The following RAVER2 variants were observed in gnomAD, a reference collection of about 807,000 sequenced individuals.
The protein encoded by RAVER2 is ribonucleoprotein, PTB binding 2, also known as ribonucleoprotein PTB-binding 2.
In RAVER2, 46 loss-of-function variants were observed where a neutral mutation model predicts 78.1. The ratio of observed to expected loss-of-function variants is 0.59; its 90% CI spans 0.46 to 0.75. RAVER2 has a LOEUF of 0.75. Among genes scored for constraint, RAVER2 ranks in the 30% least tolerant of loss-of-function variants. The pLI is 0.00. For missense variants in RAVER2, 793 were observed against 837.5 expected, an observed-to-expected ratio of 0.95 and a Z score of 0.66; for synonymous variants, 311 against 313.3, an observed-to-expected ratio of 0.99 and a Z score of 0.08.
intron 1 of RAVER2, among the ~76,000 whole-genome samples, chr1:64,754,358 T>G (rs1489932061): frequency 2.0e-5 from 3 of 152,230 alleles, no homozygotes; most frequent in Admixed American, 6.5e-5. Context: ...ATGTTGTGTT[T>G]ACCTTTGTAT....
intron 4 of RAVER2, among the ~76,000 whole-genome samples, chr1:64,787,634 C>T (rs372137654): frequency 2.6e-5 from 4 of 152,250 alleles, no homozygotes; most frequent in Admixed American, 1.3e-4. Context: ...CTGGTCTGCC[C>T]GCCTAGTGTT....
intron 11 of RAVER2, among the ~76,000 whole-genome samples, chr1:64,819,879 ACC>A (rs1310409871): frequency 6.6e-6 from 1 of 152,110 alleles, no homozygotes; most frequent in Non-Finnish European, 1.5e-5. Context: ...TTGTCCTCTA[ACC>A]CCTAGATTGC....
chr1:64,781,687 C>T (rs1324737688), intron 4 of RAVER2, 116 bp downstream of exon 4: 1 of 999,578 alleles, frequency 1.0e-6, no homozygotes, highest in Admixed American at 3.0e-5. Flanking sequence ...ATTGCATTTC[C>T]ATCACACTGA....
At chr1:64,788,681 G>T (rs769144812) in intron 4 of RAVER2, among the ~76,000 whole-genome samples, 8 of 148,398 alleles carry the variant, frequency 5.4e-5, no homozygotes, top group Non-Finnish European at 1.2e-4. Flanking sequence ...AGTCCCAGCT[G>T]CTCGGGTGGC....
At chr1:64,762,505 C>G (rs923884254) in intron 1 of RAVER2, among the ~76,000 whole-genome samples, 3 of 151,214 alleles carry the variant, frequency 2.0e-5, no homozygotes, top group African/African-American at 7.3e-5. Context: ...TACCAGATTT[C>G]AAAGCTTACT....
At chr1:64,828,487 T>G (rs1460088982) in intron 11 of RAVER2, among the ~76,000 whole-genome samples, 2 of 152,186 alleles carry the variant, frequency 1.3e-5, no homozygotes, top group Non-Finnish European at 2.9e-5. Flanking sequence ...TTGTGGTTCT[T>G]ATGTAGGAAT....
exon 3 of RAVER2, chr1:64,777,819 T>C (rs746888321): frequency 3.1e-6 from 5 of 1,614,060 alleles, no homozygotes; most frequent in Non-Finnish European, 4.2e-6. Flanking sequence ...TTGAGAGATG[T>C]TTTCTGGTCT....
At chr1:64,831,420 T>TA (rs963132561) in exon 12 of RAVER2, 1 of 153,038 alleles carries the variant, frequency 6.5e-6, no homozygotes, top group African/African-American at 2.4e-5. Flanking sequence ...TATAGATTTT[T>TA]AGGACTTTTC....
intron 1 of RAVER2, among the ~76,000 whole-genome samples, chr1:64,749,673 T>C (rs542138511): frequency 6.6e-6 from 1 of 152,364 alleles, no homozygotes; most frequent in African/African-American, 2.4e-5. Context: ...TAATGAATAA[T>C]TTATAGTCAA....
At position 64,780,404 on chromosome 1, in the gene RAVER2, AG is replaced by A. The variant is rs368727271; in HGVS notation, c.787-975del. On this transcript the variant is annotated intron_variant, in intron 3 of 11. Transcript: ENST00000294428. ...TTTGTTGACAGTTTTTAAAGGAAGA[AG>A]TAATGTGAAGGAAAAGATAGAAATT... Among the ~76,000 whole-genome samples, 295 of 152,336 alleles carry A rather than the reference AG, an allele frequency of 1.9e-3. 1 individual carries two copies. Among genetic ancestry groups the A allele is most frequent in the African/African-American group, 6.8e-3 (281 of 41,578 alleles).
At chr1:64,776,353 A>G (rs897108553) in intron 2 of RAVER2, among the ~76,000 whole-genome samples, 1 of 152,172 alleles carries the variant, frequency 6.6e-6, no homozygotes, top group Non-Finnish European at 1.5e-5. Flanking sequence ...TCCTTTGGCA[A>G]TAGTTTTCTT....
exon 5 of RAVER2, chr1:64,789,422 C>T: frequency 6.2e-7 from 1 of 1,609,556 alleles, no homozygotes. Flanking sequence ...CTTCCAGAGC[C>T]AAATCCAGTA....
At chr1:64,750,261 T>C (rs1420705647) in intron 1 of RAVER2, among the ~76,000 whole-genome samples, 1 of 151,956 alleles carries the variant, frequency 6.6e-6, no homozygotes, top group Non-Finnish European at 1.5e-5. Context: ...TTAATCTTTT[T>C]TCGTAATTAA....
At chr1:64,758,425 T>C (rs1651913252) in intron 1 of RAVER2, among the ~76,000 whole-genome samples, 1 of 152,172 alleles carries the variant, frequency 6.6e-6, no homozygotes, top group African/African-American at 2.4e-5. Context: ...TAATCACATG[T>C]GCCCTTTAAA....
chr1:64,763,047 C>T (rs1224508163), intron 1 of RAVER2, among the ~76,000 whole-genome samples: 10 of 152,312 alleles, frequency 6.6e-5, no homozygotes, highest in East Asian at 1.9e-4. Context: ...CAGTGGGTCA[C>T]GCCTGTAATC....
chr1:64,748,183 A>G (rs1651595380), intron 1 of RAVER2, among the ~76,000 whole-genome samples: 1 of 152,190 alleles, frequency 6.6e-6, no homozygotes, highest in African/African-American at 2.4e-5. Context: ...AGTTCTCAAA[A>G]GCTTTCTCAC....
chr1:64,828,616 C>T (rs1654052042), intron 11 of RAVER2, among the ~76,000 whole-genome samples: 2 of 151,582 alleles, frequency 1.3e-5, no homozygotes, highest in South Asian at 4.2e-4. Context: ...AATTACCTTT[C>T]TCCCAGTATC....
chr1:64,747,097 A>T (rs1651560577), intron 1 of RAVER2, among the ~76,000 whole-genome samples: 1 of 152,236 alleles, frequency 6.6e-6, no homozygotes, highest in African/African-American at 2.4e-5. Context: ...AGACATGAAA[A>T]ATATATCAAA....
intron 3 of RAVER2, among the ~76,000 whole-genome samples, chr1:64,780,594 A>G (rs1652600450): frequency 6.6e-6 from 1 of 152,180 alleles, no homozygotes; most frequent in African/African-American, 2.4e-5. Context: ...ACTAAGCTGA[A>G]TTTTGTGTCA....
Sources: allele counts gnomAD v4.1 joint callset (sites outside exome capture counted in the v4.1 genomes callset), GRCh38; gene constraint gnomAD v4.1.1; transcripts MANE v1.5; gene names NCBI Gene and HGNC (gene_info 2026-07-23, HGNC 2026-07-21).